The following ZBTB20 variants were observed in gnomAD, a reference collection of about 807,000 sequenced individuals.
ZBTB20 encodes the protein zinc finger and BTB domain-containing protein 20.
Under a neutral mutation model 56.9 loss-of-function variants are expected in ZBTB20, and 9 were observed. The ratio of observed to expected loss-of-function variants is 0.16; its 90% confidence interval spans 0.10 to 0.28. The LOEUF (loss-of-function observed/expected upper bound fraction) is 0.28. Ranked by LOEUF, ZBTB20 falls within the 10% of genes least tolerant of loss-of-function variation. The pLI is 1.00. For synonymous variants in ZBTB20, 417 were observed against 420.7 expected, an observed-to-expected ratio of 0.99 and a Z score of 0.11; for missense variants, 655 against 1,003.0, an observed-to-expected ratio of 0.65 and a Z score of 4.69.
At chr3:114,445,870 A>C (rs1364162908) in intron 7 of ZBTB20, among the ~76,000 whole-genome samples, 5 of 152,144 alleles carry the variant, frequency 3.3e-5, no homozygotes, top group African/African-American at 4.8e-5. Flanking sequence ...GGTATTTTTA[A>C]AGAAATATTA....
chr3:114,594,266 C>CT (rs1001656979), intron 6 of ZBTB20, among the ~76,000 whole-genome samples: 2,074 of 132,286 alleles, frequency 0.016, 45 homozygotes, highest in African/African-American at 0.044. Context: ...TTCTCATATT[C>CT]TTTTTTTTTT....
chr3:114,379,818 T>C (rs745817117), intron 10 of ZBTB20, among the ~76,000 whole-genome samples: 1 of 152,214 alleles, frequency 6.6e-6, no homozygotes, highest in East Asian at 1.9e-4. Context: ...ACTTGTGTTA[T>C]GTAATTTCAA....
intron 2 of ZBTB20, among the ~76,000 whole-genome samples, chr3:115,001,128 G>A (rs2079231952): frequency 6.8e-6 from 1 of 147,610 alleles, no homozygotes; most frequent in Non-Finnish European, 1.5e-5. Flanking sequence ...GTTAAAAAAA[G>A]GAGCCTATAT....
chr3:114,476,238 T>C (rs1342776840), intron 7 of ZBTB20, among the ~76,000 whole-genome samples: 1 of 152,200 alleles, frequency 6.6e-6, no homozygotes, highest in Non-Finnish European at 1.5e-5. Flanking sequence ...GAGTTGAACA[T>C]CTAGCTTATT....
chr3:114,808,255 A>G (rs1349022768), intron 4 of ZBTB20, among the ~76,000 whole-genome samples: 1 of 152,062 alleles, frequency 6.6e-6, no homozygotes, highest in Non-Finnish European at 1.5e-5. Flanking sequence ...AGTTGCTAAC[A>G]ATTGTCTAAT....
intron 6 of ZBTB20, among the ~76,000 whole-genome samples, chr3:114,630,124 A>G (rs1392673780): frequency 1.3e-5 from 2 of 152,202 alleles, no homozygotes; most frequent in African/African-American, 4.8e-5. Context: ...TGGGTGACAA[A>G]GCGAGACCTT....
chr3:114,967,996 G>A (rs1054331287), intron 3 of ZBTB20, among the ~76,000 whole-genome samples: 1 of 151,716 alleles, frequency 6.6e-6, no homozygotes, highest in African/African-American at 2.4e-5. Context: ...TGATGCTAGA[G>A]TTGTATAAAA....
chr3:114,564,361 G>A (rs1054124031), intron 6 of ZBTB20, among the ~76,000 whole-genome samples: 9 of 151,940 alleles, frequency 5.9e-5, no homozygotes, highest in South Asian at 2.1e-4. Flanking sequence ...GGGTGGGGAG[G>A]GGGGCATTAA....
intron 6 of ZBTB20, among the ~76,000 whole-genome samples, chr3:114,524,607 C>T (rs1043462740): frequency 6.6e-6 from 1 of 152,134 alleles, no homozygotes; most frequent in Non-Finnish European, 1.5e-5. Flanking sequence ...ATCTTTCCAG[C>T]TTATATACTG....
chr3:114,565,672 G>A (rs1457360982), intron 6 of ZBTB20, among the ~76,000 whole-genome samples: 1 of 152,142 alleles, frequency 6.6e-6, no homozygotes, highest in Non-Finnish European at 1.5e-5. Flanking sequence ...TAGGTATCAT[G>A]CAATTTCTCC....
chr3:115,017,617 T>C (rs1270096244), intron 2 of ZBTB20, among the ~76,000 whole-genome samples: 4 of 151,608 alleles, frequency 2.6e-5, no homozygotes. Flanking sequence ...GAACTACCTA[T>C]TGAGGAAGTA....
intron 3 of ZBTB20, among the ~76,000 whole-genome samples, chr3:114,971,189 C>T (rs1352718482): frequency 1.3e-5 from 2 of 151,978 alleles, no homozygotes; most frequent in South Asian, 4.2e-4. Context: ...TTTATTTTTT[C>T]GGAAGATTCA....
chr3:114,643,540 G>C (rs2059671827), intron 6 of ZBTB20, among the ~76,000 whole-genome samples: 1 of 152,074 alleles, frequency 6.6e-6, no homozygotes. Context: ...AGTGGGAAAA[G>C]GATTGTTTGT....
intron 4 of ZBTB20, among the ~76,000 whole-genome samples, chr3:114,893,211 C>T (rs2076887733): frequency 6.6e-6 from 1 of 152,130 alleles, no homozygotes; most frequent in Non-Finnish European, 1.5e-5. Flanking sequence ...TCCTGGTGTA[C>T]TCAGGTCCAA....
At chr3:114,483,665 G>A (rs894065650) in intron 7 of ZBTB20, among the ~76,000 whole-genome samples, 1 of 152,166 alleles carries the variant, frequency 6.6e-6, no homozygotes, top group South Asian at 2.1e-4. Flanking sequence ...CTGAGAACAT[G>A]AGTCTCTCTC....
At chr3:115,137,655 G>A (rs2084687701) in intron 1 of ZBTB20, among the ~76,000 whole-genome samples, 1 of 152,036 alleles carries the variant, frequency 6.6e-6, no homozygotes, top group Non-Finnish European at 1.5e-5. Context: ...AATATGGGAA[G>A]GAGGAGACAA....
chr3:114,584,033 T>C (rs1011518329), intron 6 of ZBTB20, among the ~76,000 whole-genome samples: 3 of 152,206 alleles, frequency 2.0e-5, no homozygotes, highest in Non-Finnish European at 4.4e-5. Context: ...CATAGCTTGA[T>C]CATCAAACTC....
intron 5 of ZBTB20, among the ~76,000 whole-genome samples, chr3:114,749,219 T>G (rs539314526): frequency 1.1e-3 from 173 of 152,252 alleles, no homozygotes; most frequent in Middle Eastern, 3.4e-3. Flanking sequence ...CATAGTTCTA[T>G]AACATGACAA....
chr3:114,818,597 A>C (rs920119385), intron 4 of ZBTB20, among the ~76,000 whole-genome samples: 2 of 152,006 alleles, frequency 1.3e-5, no homozygotes, highest in Non-Finnish European at 2.9e-5. Flanking sequence ...GACAATATTT[A>C]CCAGAAAAAA....
Sources: gnomAD v4.1 joint callset for allele counts (sites outside exome capture counted in the v4.1 genomes callset) on GRCh38, gnomAD v4.1.1 for gene constraint, MANE v1.5 for transcripts, NCBI Gene and HGNC (gene_info 2026-07-23, HGNC 2026-07-21) for gene names.